GPHN: variants seen among roughly 807,000 people sequenced by gnomAD.
The protein encoded by GPHN is gephyrin.
A neutral mutation model predicts 95.5 loss-of-function variants in GPHN; 17 were observed. The observed-to-expected ratio is 0.18, with a 90% CI of 0.12 to 0.27. The LOEUF (loss-of-function observed/expected upper bound fraction) is 0.27. GPHN is among the 10% of genes least tolerant of loss of function. The pLI is 1.00. For missense variants in GPHN, 660 were observed against 978.1 expected, an observed-to-expected ratio of 0.67 and a Z score of 4.34; for synonymous variants, 320 against 322.5, an observed-to-expected ratio of 0.99 and a Z score of 0.08.
At chr14:67,331,045 TATTTCTTTCTTTTTTTTGAGA>T in the GPHN span, among the ~76,000 whole-genome samples, 1 of 152,072 alleles carries the variant, frequency 6.6e-6, no homozygotes, top group African/African-American at 2.4e-5. Flanking sequence ...TCTCCTGTGA[TATTTCTTTCTTTTTTTTGAGA>T]CAGAGTCTCA....
chr14:67,676,508 A>T, the GPHN span, among the ~76,000 whole-genome samples: 2 of 152,284 alleles, frequency 1.3e-5, no homozygotes, highest in East Asian at 3.9e-4. Flanking sequence ...AGGTGGGAGG[A>T]TCGCTTGAGC....
chr14:66,518,375 A>G (rs2058339645), intron 1 of GPHN, among the ~76,000 whole-genome samples: 1 of 152,112 alleles, frequency 6.6e-6, no homozygotes, highest in Non-Finnish European at 1.5e-5. Context: ...GGGACCTCTT[A>G]TATACTGTTA....
chr14:66,948,674 T>G (rs2067902070), intron 8 of GPHN, among the ~76,000 whole-genome samples: 1 of 152,232 alleles, frequency 6.6e-6, no homozygotes, highest in Non-Finnish European at 1.5e-5. Flanking sequence ...CTGGTTGTAA[T>G]TGCTTAACTA....
the GPHN span, chr14:67,359,564 G>GA: frequency 7.1e-7 from 1 of 1,415,398 alleles, no homozygotes; most frequent in Non-Finnish European, 9.8e-7. Context: ...ATCCTCCCAG[G>GA]AAACAAGGAC....
At chr14:66,630,588 C>G (rs974983943) in intron 1 of GPHN, among the ~76,000 whole-genome samples, 1 of 151,958 alleles carries the variant, frequency 6.6e-6, no homozygotes, top group African/African-American at 2.4e-5. Flanking sequence ...TCTCCTGCAT[C>G]AGTCTCCTGA....
chr14:67,719,109 C>T, the GPHN span, among the ~76,000 whole-genome samples: 7 of 152,208 alleles, frequency 4.6e-5, no homozygotes, highest in Non-Finnish European at 1.0e-4. Context: ...CTCCTCATAT[C>T]GGAGTTATCC....
At chr14:66,888,927 G>A (rs2064333516) in intron 5 of GPHN, among the ~76,000 whole-genome samples, 1 of 152,054 alleles carries the variant, frequency 6.6e-6, no homozygotes, top group South Asian at 2.1e-4. Context: ...GCGAACCATG[G>A]TGGCTATAAT....
At chr14:67,286,924 T>C in the GPHN span, among the ~76,000 whole-genome samples, 7 of 149,400 alleles carry the variant, frequency 4.7e-5, no homozygotes, top group African/African-American at 1.5e-4. Flanking sequence ...CTTTTAAAAA[T>C]GTACCCTTTA....
chr14:66,705,719 G>T (rs970580963), intron 2 of GPHN, among the ~76,000 whole-genome samples: 1 of 152,124 alleles, frequency 6.6e-6, no homozygotes, highest in African/African-American at 2.4e-5. Context: ...ATACTGAATG[G>T]GCAAAAGCTA....
intron 2 of GPHN, among the ~76,000 whole-genome samples, chr14:66,742,566 C>T (rs1389361209): frequency 1.3e-5 from 2 of 152,164 alleles, no homozygotes; most frequent in East Asian, 1.9e-4. Flanking sequence ...TTAGAAGAAA[C>T]GGTGACAGTT....
the GPHN span, among the ~76,000 whole-genome samples, chr14:67,475,376 C>T: frequency 1.3e-5 from 2 of 152,086 alleles, no homozygotes; most frequent in Non-Finnish European, 2.9e-5. Flanking sequence ...TGTCTGAGTC[C>T]CTGCTCTCAA....
At chr14:66,958,123 C>CT (rs2068658058) in intron 8 of GPHN, among the ~76,000 whole-genome samples, 2 of 152,120 alleles carry the variant, frequency 1.3e-5, no homozygotes, top group Admixed American at 6.5e-5. Context: ...GTCTCCAACT[C>CT]TTATTTTTGA....
chr14:66,633,431 A>T (rs2063930321), intron 1 of GPHN, among the ~76,000 whole-genome samples: 1 of 152,192 alleles, frequency 6.6e-6, no homozygotes, highest in South Asian at 2.1e-4. Flanking sequence ...CCTTATATAA[A>T]TGGAATTTTG....
At chr14:66,915,404 T>C (rs1223247285) in intron 5 of GPHN, among the ~76,000 whole-genome samples, 1 of 152,196 alleles carries the variant, frequency 6.6e-6, no homozygotes, top group Non-Finnish European at 1.5e-5. Context: ...CATTTTTTTA[T>C]GTTTCTTAAC....
the GPHN span, among the ~76,000 whole-genome samples, chr14:67,540,249 T>C: frequency 6.6e-6 from 1 of 152,230 alleles, no homozygotes; most frequent in East Asian, 1.9e-4. Flanking sequence ...TACTTACCTC[T>C]TACCTTGAAG....
chr14:67,608,972 C>G, the GPHN span, among the ~76,000 whole-genome samples: 1 of 152,224 alleles, frequency 6.6e-6, no homozygotes, highest in African/African-American at 2.4e-5. Context: ...TCGACACTAT[C>G]CACCTGGAAG....
intron 10 of GPHN, among the ~76,000 whole-genome samples, chr14:67,048,042 A>G (rs146334818): frequency 2.3e-4 from 35 of 152,342 alleles, no homozygotes; most frequent in African/African-American, 8.2e-4. Context: ...TTTCATTGGT[A>G]TAAATAGCTC....
intron 12 of GPHN, among the ~76,000 whole-genome samples, chr14:67,095,983 A>AG (rs1379595104): frequency 6.7e-6 from 1 of 150,288 alleles, no homozygotes; most frequent in Non-Finnish European, 1.5e-5. Context: ...AAAAAAAAAA[A>AG]AAAGAATTTA....
chr14:66,610,971 T>G (rs1253475816), intron 1 of GPHN, among the ~76,000 whole-genome samples: 12 of 152,190 alleles, frequency 7.9e-5, no homozygotes, highest in Admixed American at 6.6e-4. Flanking sequence ...ATCAATGTTT[T>G]TGCTGTACTG....
Sources: allele counts gnomAD v4.1 joint callset (sites outside exome capture counted in the v4.1 genomes callset), GRCh38; gene constraint gnomAD v4.1.1; transcripts MANE v1.5; gene names NCBI Gene and HGNC (gene_info 2026-07-23, HGNC 2026-07-21).